Variants in EYA4 observed in about 807,000 individuals in gnomAD.
EYA4 encodes EYA transcriptional coactivator and phosphatase 4, also known as protein phosphatase EYA4.
EYA4 carries 31 observed loss-of-function variants against 87.9 expected under a neutral mutation model. The ratio of observed to expected loss-of-function variants is 0.35; its 90% CI spans 0.27 to 0.48. The LOEUF (loss-of-function observed/expected upper bound fraction) is 0.48, where lower values mean the gene tolerates loss of function less well. EYA4 is among the 20% of genes least tolerant of loss of function. The probability of loss-of-function intolerance (pLI) is 0.99; values close to 1 mark genes in which losing one functional copy is unlikely to be tolerated. For missense variants in EYA4, 678 were observed against 761.4 expected (o/e 0.89, Z 1.29); for synonymous variants, 263 against 270.6 (o/e 0.97, Z 0.28).
intron 2 of EYA4, among the ~76,000 whole-genome samples, chr6:133,295,340 A>C (rs1778867292): frequency 6.6e-6 from 1 of 152,214 alleles, no homozygotes; most frequent in Non-Finnish European, 1.5e-5. Context: ...TATTCAAAGA[A>C]TTTCATTTAG....
At chr6:133,290,601 T>C (rs1265856898) in intron 2 of EYA4, among the ~76,000 whole-genome samples, 1 of 152,192 alleles carries the variant, frequency 6.6e-6, no homozygotes, top group African/African-American at 2.4e-5. Flanking sequence ...GAGCACACTC[T>C]CATTTGTTTC....
intron 1 of EYA4, among the ~76,000 whole-genome samples, chr6:133,263,656 G>T (rs1428355048): frequency 6.6e-6 from 1 of 152,044 alleles, no homozygotes; most frequent in East Asian, 1.9e-4. Context: ...ATGTTTTGTG[G>T]GTATAATACA....
intron 13 of EYA4, among the ~76,000 whole-genome samples, chr6:133,490,852 C>A (rs58569374): frequency 0.026 from 3,951 of 152,210 alleles, 167 homozygotes; most frequent in African/African-American, 0.09. Flanking sequence ...AGGCTTAGAC[C>A]AAATGGACCT....
At chr6:133,497,584 A>T (rs1562489359) in intron 13 of EYA4, among the ~76,000 whole-genome samples, 1 of 152,114 alleles carries the variant, frequency 6.6e-6, no homozygotes, top group Admixed American at 6.5e-5. Flanking sequence ...TGTGCTGCAA[A>T]ACTCTAAAAT....
At chr6:133,342,828 T>G (rs897689738) in intron 2 of EYA4, among the ~76,000 whole-genome samples, 2 of 151,954 alleles carry the variant, frequency 1.3e-5, no homozygotes, top group Non-Finnish European at 2.9e-5. Context: ...AAGTGAAAAT[T>G]TCTTTATATT....
chr6:133,477,207 A>T (rs1156861797), intron 11 of EYA4, among the ~76,000 whole-genome samples: 1 of 151,998 alleles, frequency 6.6e-6, no homozygotes, highest in Non-Finnish European at 1.5e-5. Context: ...AAATGGACTA[A>T]ATGGCTGTGC....
At chr6:133,331,767 T>C (rs1781981144) in intron 2 of EYA4, among the ~76,000 whole-genome samples, 1 of 152,218 alleles carries the variant, frequency 6.6e-6, no homozygotes. Flanking sequence ...AATTTTTGAT[T>C]TTAAAAATAT....
At chr6:133,420,207 T>G (rs534755134) in intron 3 of EYA4, among the ~76,000 whole-genome samples, 95 of 151,558 alleles carry the variant, frequency 6.3e-4, no homozygotes, top group African/African-American at 2.2e-3. Flanking sequence ...GAATATGCAT[T>G]CATATTCACT....
intron 3 of EYA4, among the ~76,000 whole-genome samples, chr6:133,384,514 A>G (rs575931345): frequency 6.6e-6 from 1 of 152,328 alleles, no homozygotes; most frequent in African/African-American, 2.4e-5. Flanking sequence ...TTGTGATATC[A>G]AAAACAAGCA....
In EYA4 at chr6:133,523,295, T is replaced by G. The variant is rs528756083; in HGVS notation, c.1738+118T>G. ...AAACAAATTTGGATAAAGTTCAAATTACAAAGTCCCCTACAACTCATTGTA... is the reference window on the plus strand; with the variant it reads ...AAACAAATTTGGATAAAGTTCAAATGACAAAGTCCCCTACAACTCATTGTA... On this transcript the variant is annotated intron_variant, in intron 18 of 19. Transcript: ENST00000355286. 1.9e-3 allele frequency: 1,971 copies of G among 1,061,994 alleles called. 4 individuals are homozygous for G. The highest frequency in any genetic ancestry group is 2.4e-3 in the Non-Finnish European group (1,644 of 694,222). 65.8% of individuals were successfully genotyped at this position (1,061,994 alleles called of 1,614,324 possible).
At chr6:133,515,884 C>T (rs1200228706) in intron 17 of EYA4, among the ~76,000 whole-genome samples, 1 of 152,134 alleles carries the variant, frequency 6.6e-6, no homozygotes, top group Non-Finnish European at 1.5e-5. Context: ...ATGGATAATA[C>T]ACATAATGTA....
intron 11 of EYA4, among the ~76,000 whole-genome samples, chr6:133,474,670 A>G (rs558740781): frequency 1.3e-5 from 2 of 152,288 alleles, no homozygotes; most frequent in African/African-American, 4.8e-5. Context: ...TCAGACCTTC[A>G]GTCAATGCAG....
At chr6:133,310,351 C>T (rs1780125856) in intron 2 of EYA4, among the ~76,000 whole-genome samples, 1 of 152,192 alleles carries the variant, frequency 6.6e-6, no homozygotes, top group African/African-American at 2.4e-5. Context: ...AGTAGTTACT[C>T]ATTTATCTCC....
intron 1 of EYA4, among the ~76,000 whole-genome samples, chr6:133,262,140 T>G (rs561203593): frequency 6.6e-6 from 1 of 152,322 alleles, no homozygotes; most frequent in African/African-American, 2.4e-5. Flanking sequence ...GTGCAACACA[T>G]TTTCCTCAGG....
chr6:133,451,483 T>C (rs1793436371), intron 5 of EYA4, among the ~76,000 whole-genome samples: 1 of 152,190 alleles, frequency 6.6e-6, no homozygotes. Flanking sequence ...CTACACTTCA[T>C]ATACAAAAAT....
intron 5 of EYA4, among the ~76,000 whole-genome samples, chr6:133,449,366 T>TA (rs1022289724): frequency 3.3e-5 from 5 of 152,212 alleles, no homozygotes; most frequent in Admixed American, 1.3e-4. Flanking sequence ...ATTTAATATG[T>TA]AAAAAAATGT....
At chr6:133,528,590 C>T (rs1800816769) in intron 19 of EYA4, 135 bp from the exon 20 acceptor site, 5 of 785,122 alleles carry the variant, frequency 6.4e-6, no homozygotes, top group South Asian at 5.4e-5. Context: ...CGCCTTTAAA[C>T]TCTCTCCCCT....
intron 13 of EYA4, among the ~76,000 whole-genome samples, chr6:133,498,101 A>G (rs1335563271): frequency 6.6e-6 from 1 of 152,254 alleles, no homozygotes; most frequent in Non-Finnish European, 1.5e-5. Context: ...TAGGCTAGTC[A>G]TGAAGATAAA....
intron 3 of EYA4, among the ~76,000 whole-genome samples, chr6:133,406,732 A>C (rs1229606378): frequency 2.0e-5 from 3 of 152,182 alleles, no homozygotes; most frequent in African/African-American, 7.2e-5. Flanking sequence ...CCTGTTTCTT[A>C]TACTTTAACA....
Sources: allele counts gnomAD v4.1 joint callset (sites outside exome capture counted in the v4.1 genomes callset), GRCh38; gene constraint gnomAD v4.1.1; transcripts MANE v1.5; gene names NCBI Gene and HGNC (gene_info 2026-07-23, HGNC 2026-07-21).